The following IQCM variants were observed in gnomAD, a reference collection of about 807,000 sequenced individuals.
The protein encoded by IQCM is IQ domain-containing protein M.
In IQCM, 45 loss-of-function variants were observed where a neutral mutation model predicts 57.6. The ratio of observed to expected loss-of-function variants is 0.78; its 90% CI spans 0.62 to 1.00. The LOEUF (loss-of-function observed/expected upper bound fraction) is 1.00, where lower values mean the gene tolerates loss of function less well. Among genes scored for constraint, IQCM ranks in the 50% least tolerant of loss-of-function variants. IQCM has a pLI of 0.00. For missense variants in IQCM, 468 were observed against 511.6 expected (o/e 0.91, Z 0.82); for synonymous variants, 148 against 158.9 (o/e 0.93, Z 0.51).
chr4:149,689,168 A>G (rs960292250), intron 5 of IQCM, among the ~76,000 whole-genome samples: 1 of 152,114 alleles, frequency 6.6e-6, no homozygotes, highest in African/African-American at 2.4e-5. Context: ...CCAAATGCCC[A>G]TCAGTGATAG....
Position 149,501,976 on chromosome 4 carries a change from C to G in IQCM, c.1228+46479G>C, listed in dbSNP as rs1743290436. Reference sequence around the variant, plus strand: ...CTATAAGGAATTTCCCCTGCTTGAACTTCCTATAACTTTAGCTCCCTCTCG... The same window carrying G: ...CTATAAGGAATTTCCCCTGCTTGAAGTTCCTATAACTTTAGCTCCCTCTCG... On this transcript the variant is annotated intron_variant, in intron 12 of 13. Transcript: ENST00000636793. 2.6e-5 allele frequency among the ~76,000 whole-genome samples: 4 copies of G among 152,246 alleles called. No individual in the cohort carries two copies. The South Asian group carries it at 8.3e-4, about 32-fold the overall frequency.
intron 2 of IQCM, among the ~76,000 whole-genome samples, chr4:149,789,477 TTTAAATTTA>T (rs1157977945): frequency 4.6e-5 from 7 of 152,192 alleles, no homozygotes; most frequent in Admixed American, 4.6e-4. Context: ...GTCTTTAGCT[TTTAAATTTA>T]TCATCTCAAT....
chr4:149,602,855 A>C (rs961994804), intron 8 of IQCM, among the ~76,000 whole-genome samples: 4 of 152,050 alleles, frequency 2.6e-5, no homozygotes, highest in Admixed American at 6.5e-5. Context: ...GGAATAGAAG[A>C]AGCAATAAAA....
chr4:149,585,605 C>G lies in IQCM; in HGVS notation c.749+2325G>C, dbSNP rs193223696. 1.5e-4 allele frequency among the ~76,000 whole-genome samples: 22 copies of G among 151,490 alleles called. No homozygotes were observed. In the Admixed American group the frequency reaches 1.5e-3, roughly 10 times the overall value. The stretch of plus-strand genomic sequence containing the variant: ...ATTTCTCTCTCTCTTTGATTCTATG[C>G]CAGTAATATTTTTAAATCACTAAAG... On this transcript the variant is annotated intron_variant, in intron 9 of 13. Transcript: ENST00000636793.
intron 2 of IQCM, among the ~76,000 whole-genome samples, chr4:149,797,442 C>A (rs1282646818): frequency 6.6e-6 from 1 of 151,604 alleles, no homozygotes; most frequent in Non-Finnish European, 1.5e-5. Context: ...CTTAAAAGGG[C>A]AAATCTAAGA....
chr4:149,686,657 CA>C (rs1762563028), intron 5 of IQCM, among the ~76,000 whole-genome samples, 189 bp from the exon 6 acceptor site: 1 of 151,552 alleles, frequency 6.6e-6, no homozygotes, highest in Non-Finnish European at 1.5e-5. Context: ...AGATGCTTTG[CA>C]ATTACTAAAC....
Position 149,720,936 on chromosome 4 carries a change from A to G in IQCM, c.385+12308T>C, listed in dbSNP as rs554491438. On this transcript the variant is annotated intron_variant, in intron 5 of 13. Transcript: ENST00000636793. ...ATAATTTTCCATCTCATTGAAAACA[A>G]TCTCTAGTTTCCACTTTTTTTATAA... Among the ~76,000 whole-genome samples the G allele has an allele frequency of 2.5e-3, 387 of 152,314 alleles. 1 individual carries two copies. Among genetic ancestry groups the G allele is most frequent in the African/African-American group, 8.7e-3 (361 of 41,576 alleles).
chr4:149,738,497 A>T (rs1767149295), intron 3 of IQCM, among the ~76,000 whole-genome samples: 1 of 152,056 alleles, frequency 6.6e-6, no homozygotes, highest in African/African-American at 2.4e-5. Context: ...GCCACCCATC[A>T]CCTGTGGACC....
intron 7 of IQCM, among the ~76,000 whole-genome samples, chr4:149,672,403 T>C (rs372776887): frequency 1.3e-5 from 2 of 152,118 alleles, no homozygotes; most frequent in Non-Finnish European, 1.5e-5. Context: ...AGAGGCTAAC[T>C]AGAAGAAACA....
intron 5 of IQCM, among the ~76,000 whole-genome samples, chr4:149,701,792 C>G (rs945858118): frequency 6.6e-6 from 1 of 151,942 alleles, no homozygotes; most frequent in Non-Finnish European, 1.5e-5. Context: ...AGAACTTTAT[C>G]AAGAATCACT....
intron 12 of IQCM, among the ~76,000 whole-genome samples, chr4:149,451,944 TAC>T (rs1737163929): frequency 1.3e-5 from 2 of 151,762 alleles, no homozygotes; most frequent in Admixed American, 1.3e-4. Flanking sequence ...ACTCACAGAC[TAC>T]ATGTTTGTCT....
intron 4 of IQCM, 65 bp downstream of exon 4, chr4:149,735,311 T>C: frequency 1.4e-6 from 1 of 720,592 alleles, no homozygotes; most frequent in Non-Finnish European, 1.9e-6. Context: ...TGCAATCCTT[T>C]GGGAGAATCC....
intron 7 of IQCM, among the ~76,000 whole-genome samples, chr4:149,633,167 CAAAAAAAAA>C (rs71596216): frequency 4.4e-5 from 1 of 22,938 alleles, no homozygotes; most frequent in Non-Finnish European, 7.7e-5. Context: ...GACTCCGTCT[CAAAAAAAAA>C]AAAAAAAAAA....
chr4:149,497,339 A>C (rs1272494037), intron 12 of IQCM, among the ~76,000 whole-genome samples: 2 of 152,086 alleles, frequency 1.3e-5, no homozygotes, highest in East Asian at 3.9e-4. Context: ...AGAAGGCCAG[A>C]TATTAGGAGA....
chr4:149,514,319 T>C (rs1024110095), intron 12 of IQCM, among the ~76,000 whole-genome samples: 1 of 152,166 alleles, frequency 6.6e-6, no homozygotes, highest in Non-Finnish European at 1.5e-5. Context: ...GCTAAATATA[T>C]ATTAGGATTC....
At chr4:149,748,770 G>T (rs1470305982) in intron 2 of IQCM, 1 of 152,064 alleles carries the variant, frequency 6.6e-6, no homozygotes, top group African/African-American at 2.4e-5. Flanking sequence ...GGGGTAAAAA[G>T]GAAATGATCA....
chr4:149,519,120 G>A (rs1459378149), intron 12 of IQCM, among the ~76,000 whole-genome samples: 1 of 152,030 alleles, frequency 6.6e-6, no homozygotes, highest in South Asian at 2.1e-4. Context: ...GATAGAAATC[G>A]CCTTTCTGAA....
At chr4:149,693,799 T>C (rs1025156526) in intron 5 of IQCM, among the ~76,000 whole-genome samples, 7 of 152,224 alleles carry the variant, frequency 4.6e-5, no homozygotes, top group Non-Finnish European at 2.9e-5. Context: ...TAATGCTCCA[T>C]ATTTGTCTGA....
At chr4:149,742,053 T>C (rs895151234) in intron 3 of IQCM, among the ~76,000 whole-genome samples, 3 of 151,442 alleles carry the variant, frequency 2.0e-5, no homozygotes, top group Non-Finnish European at 4.4e-5. Context: ...GTGAAATTAA[T>C]TTGTGTAACA....
Sources: gnomAD v4.1 joint callset for allele counts (sites outside exome capture counted in the v4.1 genomes callset) on GRCh38, gnomAD v4.1.1 for gene constraint, MANE v1.5 for transcripts, NCBI Gene and HGNC (gene_info 2026-07-23, HGNC 2026-07-21) for gene names.